The following EXOC4 variants were observed in gnomAD, a reference collection of about 807,000 sequenced individuals.
EXOC4 encodes the protein exocyst complex component 4.
A neutral mutation model predicts 107.2 loss-of-function variants in EXOC4; 71 were observed. The observed-to-expected ratio is 0.66, with a 90% CI of 0.55 to 0.81. The LOEUF (loss-of-function observed/expected upper bound fraction) is 0.81. Ranked by LOEUF, EXOC4 falls within the 30% of genes least tolerant of loss-of-function variation. The pLI is 0.00. For missense variants in EXOC4, 1,108 were observed against 1,189.6 expected, an observed-to-expected ratio of 0.93 and a Z score of 1.01; for synonymous variants, 456 against 441.2, an observed-to-expected ratio of 1.03 and a Z score of -0.42.
At chr7:133,807,095 T>C (rs1797095199) in intron 10 of EXOC4, among the ~76,000 whole-genome samples, 1 of 152,178 alleles carries the variant, frequency 6.6e-6, no homozygotes, top group South Asian at 2.1e-4. Flanking sequence ...CGACTTTTCA[T>C]ATACGCAGGT....
intron 10 of EXOC4, among the ~76,000 whole-genome samples, chr7:133,756,546 C>A (rs569640893): frequency 4.6e-5 from 7 of 152,276 alleles, no homozygotes; most frequent in Non-Finnish European, 8.8e-5. Flanking sequence ...GTGTCATATA[C>A]CCCACTGAGA....
In EXOC4 at chr7:133,356,577, G is replaced by C. The variant is rs1343179138; in HGVS notation, c.1007+4G>C. 6.2e-7 allele frequency: 1 copy of C among 1,613,530 alleles called. No individual in the cohort carries two copies. On this transcript the variant is annotated splice_donor_region_variant and intron_variant, in intron 6 of 17. Transcript: ENST00000253861. ...TTACTGTGGAGAACCAACCAAGGTA[G>C]GTGGGAGTGTATTTTGTATTTTTGA...
intron 10 of EXOC4, among the ~76,000 whole-genome samples, chr7:133,781,803 C>T (rs983058654): frequency 2.0e-5 from 3 of 152,188 alleles, no homozygotes; most frequent in Admixed American, 6.5e-5. Context: ...GTGTTCTGGA[C>T]TTACAACTCT....
At chr7:133,775,175 T>C (rs531784588) in intron 10 of EXOC4, among the ~76,000 whole-genome samples, 1 of 152,332 alleles carries the variant, frequency 6.6e-6, no homozygotes, top group Admixed American at 6.5e-5. Flanking sequence ...CCTCCTAAAC[T>C]CTTTACTAGG....
chr7:133,313,851 G>T (rs1794930964), intron 4 of EXOC4, among the ~76,000 whole-genome samples: 2 of 152,018 alleles, frequency 1.3e-5, no homozygotes, highest in Non-Finnish European at 2.9e-5. Context: ...GTTGCTATTG[G>T]CAAAATGCAT....
At chr7:133,354,107 CT>C (rs766840284) in intron 5 of EXOC4, among the ~76,000 whole-genome samples, 2 of 151,468 alleles carry the variant, frequency 1.3e-5, no homozygotes, top group African/African-American at 2.4e-5. Context: ...AGTTTTTTTT[CT>C]TAATATATCT....
intron 9 of EXOC4, among the ~76,000 whole-genome samples, chr7:133,616,996 C>T (rs1455997891): frequency 6.6e-6 from 1 of 151,872 alleles, no homozygotes; most frequent in African/African-American, 2.4e-5. Context: ...AATAGAAGTC[C>T]CAGATAGGTT....
At chr7:133,283,768 A>T (rs1352695077) in intron 2 of EXOC4, among the ~76,000 whole-genome samples, 1 of 152,168 alleles carries the variant, frequency 6.6e-6, no homozygotes, top group African/African-American at 2.4e-5. Flanking sequence ...TCTCTCTCAC[A>T]TCCTGCTCCA....
chr7:133,448,966 G>A (rs1157436015), intron 7 of EXOC4, among the ~76,000 whole-genome samples: 1 of 152,104 alleles, frequency 6.6e-6, no homozygotes, highest in African/African-American at 2.4e-5. Flanking sequence ...TTATCTGGGT[G>A]TGGTGGCACA....
At position 134,032,300 on chromosome 7, in the gene EXOC4, G is replaced by C. The variant is rs887833136; in HGVS notation, c.2687+24465G>C. Among the ~76,000 whole-genome samples the C allele has an allele frequency of 3.3e-5, 5 of 152,264 alleles. No homozygotes were observed. The South Asian group carries it at 1.0e-3, about 32-fold the overall frequency. ...TCTGTCAACAGTTTCTCCTGCAGTT[G>C]TCGCTGATGTCACTGTCCAGTGGCT... On this transcript the variant is annotated intron_variant, in intron 17 of 17. Transcript: ENST00000253861.
intron 14 of EXOC4, among the ~76,000 whole-genome samples, chr7:133,995,418 A>G (rs576861805): frequency 9.8e-5 from 15 of 152,318 alleles, no homozygotes; most frequent in Non-Finnish European, 1.3e-4. Flanking sequence ...CTATCACCCA[A>G]TAGAGGAACT....
rs538682936 is a variant in EXOC4 at position 133,979,076 on chromosome 7, G to T, written c.2207-18416G>T. ...TCTCCTGTGGTAGTAAATATAAAAA[G>T]CATCTTTCCAAAATAATCCTGATTC... On this transcript the variant is annotated intron_variant, in intron 14 of 17. Coordinates refer to ENST00000253861, the MANE Select transcript of EXOC4 (RefSeq NM_021807.4). Among the ~76,000 whole-genome samples, 5 of 152,240 alleles carry T rather than the reference G, an allele frequency of 3.3e-5. No homozygotes were observed. In the South Asian group the frequency reaches 1.0e-3, roughly 32 times the overall value.
In EXOC4 at chr7:133,505,405, G is replaced by A. The variant is rs148799782; in HGVS notation, c.1417+25267G>A. Reference sequence around the variant, plus strand: ...ATTGTTTAATAGTCTGCTCTTGTCTGTAATTTCCAGAGTTTGAATTGTATG... The same window carrying A: ...ATTGTTTAATAGTCTGCTCTTGTCTATAATTTCCAGAGTTTGAATTGTATG... On this transcript the variant is annotated intron_variant, in intron 9 of 17. Coordinates refer to ENST00000253861, the MANE Select transcript of EXOC4 (RefSeq NM_021807.4). 6.2e-4 allele frequency among the ~76,000 whole-genome samples: 94 copies of A among 152,058 alleles called. 1 individual carries two copies. In the East Asian group the frequency reaches 0.013, roughly 21 times the overall value.
chr7:134,085,332 C>A, the EXOC4 span, among the ~76,000 whole-genome samples: 34 of 144,852 alleles, frequency 2.3e-4, no homozygotes, highest in Admixed American at 8.2e-4. Flanking sequence ...ACAAAAACAA[C>A]AAAAAAAAAA....
intron 2 of EXOC4, among the ~76,000 whole-genome samples, chr7:133,286,119 G>A (rs191448379): frequency 6.6e-5 from 10 of 151,992 alleles, no homozygotes; most frequent in East Asian, 3.9e-4. Context: ...CATTTGTTTC[G>A]CTTTTCCTTC....
chr7:133,819,069 AT>A (rs1414667299), intron 11 of EXOC4, among the ~76,000 whole-genome samples: 4 of 151,946 alleles, frequency 2.6e-5, no homozygotes, highest in African/African-American at 4.8e-5. Flanking sequence ...ATAACAGGAG[AT>A]CCTGCCAGGT....
chr7:133,418,879 G>A (rs545127866), intron 7 of EXOC4, among the ~76,000 whole-genome samples: 24 of 152,206 alleles, frequency 1.6e-4, no homozygotes, highest in African/African-American at 5.8e-4. Context: ...CTTTGTATAC[G>A]GTAAGCTTTC....
chr7:133,979,743 G>T (rs1037620435), intron 14 of EXOC4, among the ~76,000 whole-genome samples: 11 of 151,536 alleles, frequency 7.3e-5, no homozygotes, highest in Non-Finnish European at 1.2e-4. Flanking sequence ...AGCCGAGATC[G>T]CACCACTGCA....
intron 10 of EXOC4, among the ~76,000 whole-genome samples, chr7:133,779,199 G>T (rs114036179): frequency 3.3e-5 from 5 of 152,088 alleles, no homozygotes; most frequent in Non-Finnish European, 7.4e-5. Flanking sequence ...AGGCCACAGG[G>T]TTTTGCTTTC....
Sources: gnomAD v4.1 joint callset for allele counts (sites outside exome capture counted in the v4.1 genomes callset) on GRCh38, gnomAD v4.1.1 for gene constraint, MANE v1.5 for transcripts, NCBI Gene and HGNC (gene_info 2026-07-23, HGNC 2026-07-21) for gene names.